Variants in DCDC2 observed in about 807,000 individuals in gnomAD.
DCDC2 encodes doublecortin domain-containing protein 2.
A neutral mutation model predicts 50.2 loss-of-function variants in DCDC2; 40 were observed. That is an observed-to-expected ratio of 0.80 (90% CI 0.62 to 1.04). The LOEUF (loss-of-function observed/expected upper bound fraction) is 1.04. Ranked by LOEUF, DCDC2 falls within the 50% of genes least tolerant of loss-of-function variation. The probability of loss-of-function intolerance (pLI) is 0.00; values close to 1 mark genes in which losing one functional copy is unlikely to be tolerated. For missense variants in DCDC2, 570 were observed against 581.9 expected, an observed-to-expected ratio of 0.98 and a Z score of 0.21; for synonymous variants, 234 against 210.6, an observed-to-expected ratio of 1.11 and a Z score of -0.96.
intron 2 of DCDC2, among the ~76,000 whole-genome samples, chr6:24,319,287 GT>G (rs61360886): frequency 0.72 from 107,172 of 148,376 alleles, 38,944 homozygotes; most frequent in Admixed American, 0.76. Context: ...TATTTGTGGG[GT>G]TTTTTTTTTT....
In DCDC2 at chr6:24,183,701, A is replaced by C. The variant is rs574900069; in HGVS notation, c.1024-5069T>G. On this transcript the variant is annotated intron_variant, in intron 8 of 9. Transcript: ENST00000378454. ...TTCAGTGATTGGGCCAAGGGCACCC[A>C]TCTGTGTTAAGCAGTACTGAGAGTT... Among the ~76,000 whole-genome samples, 7 of 152,320 alleles carry C rather than the reference A, an allele frequency of 4.6e-5. No homozygotes were observed. The East Asian group carries it at 1.4e-3, about 29-fold the overall frequency.
At chr6:24,262,178 G>C (rs1763026288) in intron 7 of DCDC2, among the ~76,000 whole-genome samples, 2 of 148,164 alleles carry the variant, frequency 1.3e-5, no homozygotes, top group Admixed American at 6.8e-5. Flanking sequence ...GTGTGCTTAG[G>C]GGAGGGAGAG....
intron 7 of DCDC2, among the ~76,000 whole-genome samples, chr6:24,206,853 T>C (rs998824480): frequency 1.3e-5 from 2 of 152,140 alleles, no homozygotes; most frequent in Non-Finnish European, 2.9e-5. Flanking sequence ...AGAATATAAA[T>C]ACTTTTTTTA....
upstream of DCDC2, among the ~76,000 whole-genome samples, chr6:24,359,430 TA>T (rs374501341): frequency 4.5e-3 from 141 of 31,206 alleles, 8 homozygotes; most frequent in African/African-American, 5.7e-3. Context: ...TATATATATT[TA>T]TATATACTAT....
intron 7 of DCDC2, among the ~76,000 whole-genome samples, chr6:24,210,127 A>C (rs1761834236): frequency 6.7e-6 from 1 of 149,020 alleles, no homozygotes; most frequent in African/African-American, 2.5e-5. Flanking sequence ...GTTTCTCCTA[A>C]GTCTCCTTGG....
At chr6:24,313,654 C>T (rs1413623510) in intron 2 of DCDC2, among the ~76,000 whole-genome samples, 3 of 152,168 alleles carry the variant, frequency 2.0e-5, no homozygotes, top group Non-Finnish European at 4.4e-5. Flanking sequence ...GCAGCTTCCA[C>T]CTGCAAGGAA....
rs559481601 is a variant in DCDC2, at chr6:24,252,790, T to C, written c.922+25259A>G. Reference sequence around the variant, plus strand: ...CTGGAATTGTTACCAAATTTCACCCTATGCTGAGCCATAATGCAAGTCTCA... The same window carrying C: ...CTGGAATTGTTACCAAATTTCACCCCATGCTGAGCCATAATGCAAGTCTCA... On this transcript the variant is annotated intron_variant, in intron 7 of 9. Coordinates refer to ENST00000378454, the MANE Select transcript of DCDC2 (RefSeq NM_016356.5). Among the ~76,000 whole-genome samples, 4 of 152,296 alleles carry C rather than the reference T, an allele frequency of 2.6e-5. No individual in the cohort carries two copies. In the South Asian group the frequency reaches 8.3e-4, roughly 32 times the overall value.
At chr6:24,256,256 G>A (rs1762895662) in intron 7 of DCDC2, among the ~76,000 whole-genome samples, 2 of 147,612 alleles carry the variant, frequency 1.4e-5, no homozygotes, top group Admixed American at 6.9e-5. Flanking sequence ...AGAGGGAGGG[G>A]CTTCTCAGAT....
upstream of DCDC2, among the ~76,000 whole-genome samples, chr6:24,359,189 T>A (rs371771388): frequency 1.3e-3 from 71 of 53,722 alleles, no homozygotes; most frequent in Non-Finnish European, 1.8e-3. Context: ...TTTATATATT[T>A]TATATATTAT....
chr6:24,365,965 A>G, the DCDC2 span, among the ~76,000 whole-genome samples: 1 of 151,536 alleles, frequency 6.6e-6, no homozygotes, highest in Admixed American at 6.6e-5. Context: ...TGACAGGTGC[A>G]CGCCACCAAG....
At chr6:24,240,797 G>A (rs1762548405) in intron 7 of DCDC2, among the ~76,000 whole-genome samples, 1 of 152,206 alleles carries the variant, frequency 6.6e-6, no homozygotes, top group South Asian at 2.1e-4. Flanking sequence ...ATGGCTGAGA[G>A]TTTAGGCTAT....
intron 8 of DCDC2, among the ~76,000 whole-genome samples, chr6:24,192,898 G>A (rs993146909): frequency 6.6e-6 from 1 of 151,902 alleles, no homozygotes; most frequent in Non-Finnish European, 1.5e-5. Context: ...GAATTAAAAA[G>A]CCCATTGAGT....
intron 7 of DCDC2, among the ~76,000 whole-genome samples, chr6:24,234,868 A>C (rs1762410141): frequency 6.6e-6 from 1 of 152,218 alleles, no homozygotes; most frequent in Non-Finnish European, 1.5e-5. Flanking sequence ...AGCTTATAAA[A>C]ATAATTAGAT....
rs541974639 is a variant in DCDC2 at position 24,270,820 on chromosome 6, C to T, written c.922+7229G>A. The stretch of plus-strand genomic sequence containing the variant: ...CCAGGATGAAATGCTCAGAGTGACC[C>T]AATTTCAGCTTCTTTCAGAAAAGCA... On this transcript the variant is annotated intron_variant, in intron 7 of 9. Transcript: ENST00000378454. 2.0e-5 allele frequency among the ~76,000 whole-genome samples: 3 copies of T among 152,240 alleles called. No individual in the cohort carries two copies. The South Asian group carries it at 6.2e-4, about 32-fold the overall frequency.
At chr6:24,195,645 G>C (rs1180555754) in intron 8 of DCDC2, among the ~76,000 whole-genome samples, 2 of 152,134 alleles carry the variant, frequency 1.3e-5, no homozygotes, top group African/African-American at 4.8e-5. Flanking sequence ...ATTAGGAGCA[G>C]CCCTGGCCAC....
chr6:24,277,464 T>A (rs1763386221), intron 7 of DCDC2, among the ~76,000 whole-genome samples: 1 of 152,232 alleles, frequency 6.6e-6, no homozygotes, highest in Admixed American at 6.5e-5. Flanking sequence ...ACTTCCTTAG[T>A]CTACCACACT....
chr6:24,272,447 AG>A (rs1431856352), intron 7 of DCDC2, among the ~76,000 whole-genome samples: 1 of 152,198 alleles, frequency 6.6e-6, no homozygotes, highest in Non-Finnish European at 1.5e-5. Context: ...TGATCCACCA[AG>A]GGATAGAAAA....
chr6:24,324,894 C>G (rs374543008), intron 2 of DCDC2, among the ~76,000 whole-genome samples: 47 of 145,100 alleles, frequency 3.2e-4, no homozygotes, highest in Admixed American at 1.6e-3. Flanking sequence ...AAAAAAAAAA[C>G]AAAGAAAGAC....
chr6:24,343,238 G>A (rs1271870591), intron 2 of DCDC2, among the ~76,000 whole-genome samples: 1 of 151,796 alleles, frequency 6.6e-6, no homozygotes, highest in Non-Finnish European at 1.5e-5. Context: ...TTTTAGTAGA[G>A]ACGGGTTTCA....
Sources: gnomAD v4.1 joint callset for allele counts (sites outside exome capture counted in the v4.1 genomes callset) on GRCh38, gnomAD v4.1.1 for gene constraint, MANE v1.5 for transcripts, NCBI Gene and HGNC (gene_info 2026-07-23, HGNC 2026-07-21) for gene names.